Variants in SIM1 observed in about 807,000 individuals in gnomAD.
SIM1 encodes SIM bHLH transcription factor 1, also known as single-minded homolog 1.
In SIM1, 18 loss-of-function variants were observed where a neutral mutation model predicts 78.2. That is an observed-to-expected ratio of 0.23 (90% confidence interval 0.16 to 0.34). SIM1 has a LOEUF of 0.34. Among genes scored for constraint, SIM1 ranks in the 10% least tolerant of loss-of-function variants. The probability of loss-of-function intolerance (pLI) is 1.00; values close to 1 mark genes in which losing one functional copy is unlikely to be tolerated. For synonymous variants in SIM1, 417 were observed against 385.2 expected, an observed-to-expected ratio of 1.08 and a Z score of -0.97; for missense variants, 939 against 975.1, an observed-to-expected ratio of 0.96 and a Z score of 0.49.
intron 3 of SIM1, 99 bp downstream of exon 3, chr6:100,453,659 GTTTT>G: frequency 1.3e-6 from 1 of 784,434 alleles, no homozygotes; most frequent in Non-Finnish European, 1.9e-6. Context: ...GGGGTTGTTT[GTTTT>G]TTTTTTGTTT....
Position 100,389,950 on chromosome 6 carries a change from T to C in SIM1, c.*411A>G, listed in dbSNP as rs1357558252. On this transcript the variant is annotated 3_prime_UTR_variant, in exon 12 of 12. Transcript: ENST00000369208. Reference sequence around the variant, plus strand: ...TTACCCATTTTTGATGTATTTACATTACATAGCCTATATTTCCATATGTAA... The same window carrying C: ...TTACCCATTTTTGATGTATTTACATCACATAGCCTATATTTCCATATGTAA... 2 of 391,938 alleles carry C rather than the reference T, an allele frequency of 5.1e-6. No individual in the cohort carries two copies. Among genetic ancestry groups the C allele is most frequent in the East Asian group, 3.6e-5 (1 of 27,506 alleles). 24.3% of individuals were successfully genotyped at this position (391,938 alleles called of 1,614,324 possible). A position where few individuals can be genotyped will look rare whatever the true frequency, so the allele number is the denominator to read the frequency against.
intron 10 of SIM1, among the ~76,000 whole-genome samples, chr6:100,417,652 A>T (rs534864458): frequency 6.6e-6 from 1 of 152,320 alleles, no homozygotes; most frequent in Non-Finnish European, 1.5e-5. Flanking sequence ...AGAAACGGTG[A>T]TGAGTTTGCC....
chr6:100,451,514 C>A (rs1772512686), intron 3 of SIM1, among the ~76,000 whole-genome samples: 1 of 152,104 alleles, frequency 6.6e-6, no homozygotes, highest in African/African-American at 2.4e-5. Flanking sequence ...GAATAGCATG[C>A]TTAGATGTGG....
At chr6:100,433,621 C>G (rs1771957818) in intron 9 of SIM1, among the ~76,000 whole-genome samples, 1 of 151,896 alleles carries the variant, frequency 6.6e-6, no homozygotes, top group African/African-American at 2.4e-5. Flanking sequence ...GCCATCCCAG[C>G]TACTCCGGAG....
chr6:100,417,661 C>G (rs945243602), intron 10 of SIM1, among the ~76,000 whole-genome samples: 3 of 152,138 alleles, frequency 2.0e-5, no homozygotes. Flanking sequence ...GATGAGTTTG[C>G]CCTGGACAAC....
chr6:100,462,898 C>CA (rs146777329), intron 2 of SIM1: 2,184 of 161,484 alleles, frequency 0.014, 21 homozygotes, highest in African/African-American at 0.026. Flanking sequence ...CCACACCTGG[C>CA]AAAAAAAAAA....
At chr6:100,436,134 G>C (rs531964017) in intron 9 of SIM1, among the ~76,000 whole-genome samples, 10 of 152,262 alleles carry the variant, frequency 6.6e-5, no homozygotes, top group African/African-American at 2.4e-4. Flanking sequence ...GACCCAAACA[G>C]TGCCAAGGTG....
chr6:100,446,934 A>G (rs1772370838), intron 9 of SIM1, among the ~76,000 whole-genome samples: 1 of 152,206 alleles, frequency 6.6e-6, no homozygotes, highest in Admixed American at 6.5e-5. Context: ...CCGTACTTAG[A>G]TCCTTTCCTC....
intron 3 of SIM1, among the ~76,000 whole-genome samples, chr6:100,452,299 T>C (rs78992719): frequency 0.023 from 3,509 of 152,336 alleles, 50 homozygotes; most frequent in East Asian, 0.043. Flanking sequence ...ATGGCACCTA[T>C]ACCACCTGGT....
Position 100,448,364 on chromosome 6 carries a change from C to T in SIM1, c.744-112G>A, listed in dbSNP as rs945718396. 6 of 1,380,346 alleles carry T rather than the reference C, an allele frequency of 4.3e-6. No homozygotes were observed. The Admixed American group carries it at 1.0e-4, about 23-fold the overall frequency. The allele number at this position is 1,380,346 out of a possible 1,614,324, so 85.5% of individuals were successfully genotyped here. On this transcript the variant is annotated intron_variant, in intron 7 of 11. Coordinates refer to ENST00000369208, the MANE Select transcript of SIM1 (RefSeq NM_005068.3). ...AGCTGTCCGCCCTCACTTTCCAGGGCCGATTCAGTCGCCTCATGTGCAAAA... is the reference window on the plus strand; with the variant it reads ...AGCTGTCCGCCCTCACTTTCCAGGGTCGATTCAGTCGCCTCATGTGCAAAA...
chr6:100,391,500 A>G (rs1385227223), intron 11 of SIM1, among the ~76,000 whole-genome samples: 1 of 152,230 alleles, frequency 6.6e-6, no homozygotes, highest in African/African-American at 2.4e-5. Context: ...TGTTAAATTG[A>G]TGCTTGAAAA....
chr6:100,463,219 C>A, intron 2 of SIM1, 75 bp downstream of exon 2: 3 of 1,332,794 alleles, frequency 2.3e-6, no homozygotes, highest in Non-Finnish European at 3.1e-6. Flanking sequence ...TCTCTGGTCA[C>A]TGATGTCGGC....
chr6:100,440,824 T>C (rs769164803), intron 9 of SIM1, among the ~76,000 whole-genome samples: 1 of 152,294 alleles, frequency 6.6e-6, no homozygotes, highest in South Asian at 2.1e-4. Context: ...AGCCTTTTAC[T>C]AAATTATGAA....
Position 100,447,273 on chromosome 6 carries a change from G to A in SIM1, c.993C>T (p.Val331=). 1 of 1,614,214 alleles carries A rather than the reference G, an allele frequency of 6.2e-7. No homozygotes were observed. Among genetic ancestry groups the A allele is most frequent in the Non-Finnish European group, 8.5e-7 (1 of 1,180,044 alleles). The change falls in exon 9 of 12, where the codon GTC becomes GTT. Residue 331 remains valine, a synonymous_variant. Coordinates refer to ENST00000369208, the MANE Select transcript of SIM1 (RefSeq NM_005068.3). ...RPHCIVSVNY[V]LTDTEYKGLQ... ...GGTCTCAGTCTTGCACTCACGTGAG[G>A]ACATAGTTGACGCTGACGATACAGT...
chr6:100,456,725 A>C (rs1772674670), intron 2 of SIM1, among the ~76,000 whole-genome samples: 1 of 152,188 alleles, frequency 6.6e-6, no homozygotes, highest in Non-Finnish European at 1.5e-5. Context: ...CATAAGTAGC[A>C]TTAGAAGGGA....
intron 9 of SIM1, among the ~76,000 whole-genome samples, chr6:100,423,504 T>C (rs987862037): frequency 1.6e-4 from 24 of 152,150 alleles, no homozygotes; most frequent in African/African-American, 5.6e-4. Flanking sequence ...AGAACTATCC[T>C]TTTCCACCTC....
At chr6:100,442,839 T>C (rs1334296924) in intron 9 of SIM1, among the ~76,000 whole-genome samples, 1 of 152,042 alleles carries the variant, frequency 6.6e-6, no homozygotes, top group Admixed American at 6.5e-5. Flanking sequence ...CCAGCACAAA[T>C]AATGTACCTA....
At chr6:100,448,965 T>C (rs1350579622) in intron 6 of SIM1, among the ~76,000 whole-genome samples, 1 of 152,076 alleles carries the variant, frequency 6.6e-6, no homozygotes, top group African/African-American at 2.4e-5. Flanking sequence ...GCTAATGACG[T>C]TCAAGGACAT....
chr6:100,415,056 TG>T (rs1218063163), intron 10 of SIM1, among the ~76,000 whole-genome samples: 16 of 152,346 alleles, frequency 1.1e-4, no homozygotes, highest in African/African-American at 3.8e-4. Context: ...TATAGTGTAT[TG>T]GTTATTACTG....
Sources: allele counts gnomAD v4.1 joint callset (sites outside exome capture counted in the v4.1 genomes callset), GRCh38; gene constraint gnomAD v4.1.1; transcripts MANE v1.5; gene names NCBI Gene and HGNC (gene_info 2026-07-23, HGNC 2026-07-21).